The following PLCXD3 variants were observed in gnomAD, a reference collection of about 807,000 sequenced individuals.
PLCXD3 encodes phosphatidylinositol specific phospholipase C X domain containing 3.
In PLCXD3, 19 loss-of-function variants were observed where a neutral mutation model predicts 25.5. The ratio of observed to expected loss-of-function variants is 0.75; its 90% CI spans 0.52 to 1.09. The LOEUF is 1.09. Ranked by LOEUF, PLCXD3 falls within the 50% of genes least tolerant of loss-of-function variation. The pLI is 0.00. For synonymous variants in PLCXD3, 174 were observed against 137.6 expected, an observed-to-expected ratio of 1.26 and a Z score of -1.85; for missense variants, 411 against 388.1, an observed-to-expected ratio of 1.06 and a Z score of -0.50.
chr5:41,506,822 C>T (rs992311357), intron 1 of PLCXD3, among the ~76,000 whole-genome samples: 5 of 152,156 alleles, frequency 3.3e-5, no homozygotes, highest in African/African-American at 9.7e-5. Flanking sequence ...ATTTATAAAG[C>T]GTTTCTGTGT....
rs182487981 is a variant in PLCXD3 at position 41,510,560 on chromosome 5, C to A, written c.-34G>T. The A allele has an allele frequency of 1.2e-4, 185 of 1,572,642 alleles. No homozygotes were observed. In the African/African-American group the frequency reaches 2.3e-3, roughly 19 times the overall value. ...TCGGCGTGCAGCGCGCTGGTCCCAG[C>A]ACTCCTCGGGCAGGCTGGCAGGCTG... On this transcript the variant is annotated 5_prime_UTR_variant, in exon 1 of 3. Coordinates refer to ENST00000377801, the MANE Select transcript of PLCXD3 (RefSeq NM_001005473.3).
intron 1 of PLCXD3, among the ~76,000 whole-genome samples, chr5:41,445,762 T>C (rs1747479678): frequency 6.6e-6 from 1 of 152,172 alleles, no homozygotes; most frequent in Admixed American, 6.5e-5. Context: ...CCTGTGCTTT[T>C]GAGGTCTTAT....
In PLCXD3 at chr5:41,349,797, T is replaced by C. The variant is rs551101209; in HGVS notation, c.812+32029A>G. Among the ~76,000 whole-genome samples the C allele has an allele frequency of 3.3e-5, 5 of 152,348 alleles. No homozygotes were observed. The South Asian group carries it at 8.3e-4, about 25-fold the overall frequency. ...CATCACAGGTCTTTAAATTATCCTGTAGTTACAGAGCACTAGCCCCTTACT... is the reference window on the plus strand; with the variant it reads ...CATCACAGGTCTTTAAATTATCCTGCAGTTACAGAGCACTAGCCCCTTACT... On this transcript the variant is annotated intron_variant, in intron 2 of 2. Coordinates refer to ENST00000377801, the MANE Select transcript of PLCXD3 (RefSeq NM_001005473.3).
intron 1 of PLCXD3, among the ~76,000 whole-genome samples, chr5:41,480,069 C>A (rs1468099309): frequency 6.6e-6 from 1 of 152,026 alleles, no homozygotes; most frequent in Non-Finnish European, 1.5e-5. Context: ...TATAATGAAA[C>A]CAAACTGTTT....
At chr5:41,416,123 A>T (rs900226482) in intron 1 of PLCXD3, among the ~76,000 whole-genome samples, 1 of 152,196 alleles carries the variant, frequency 6.6e-6, no homozygotes, top group Non-Finnish European at 1.5e-5. Context: ...TCACTTTTCC[A>T]TATCCACTCT....
intron 2 of PLCXD3, among the ~76,000 whole-genome samples, chr5:41,358,246 TAGTC>T (rs1415371482): frequency 6.6e-6 from 1 of 152,228 alleles, no homozygotes; most frequent in African/African-American, 2.4e-5. Flanking sequence ...TGGCAAGTGG[TAGTC>T]AGGACAAGCC....
intron 1 of PLCXD3, among the ~76,000 whole-genome samples, chr5:41,401,987 A>AT (rs1746200191): frequency 6.6e-6 from 1 of 151,202 alleles, no homozygotes; most frequent in South Asian, 2.1e-4. Flanking sequence ...TCTTTCTTTC[A>AT]TTTTCTTGAT....
intron 1 of PLCXD3, among the ~76,000 whole-genome samples, chr5:41,427,175 C>T (rs1314712579): frequency 1.3e-5 from 2 of 152,148 alleles, no homozygotes; most frequent in East Asian, 3.9e-4. Flanking sequence ...GGAAAATTTT[C>T]AGACATGATT....
At chr5:41,448,847 T>C (rs1164882049) in intron 1 of PLCXD3, among the ~76,000 whole-genome samples, 2 of 152,228 alleles carry the variant, frequency 1.3e-5, no homozygotes, top group African/African-American at 4.8e-5. Context: ...AACTTCTTAG[T>C]ATGACATTTA....
intron 1 of PLCXD3, among the ~76,000 whole-genome samples, chr5:41,462,152 C>T (rs562699017): frequency 4.7e-4 from 71 of 152,076 alleles, no homozygotes; most frequent in African/African-American, 1.6e-3. Flanking sequence ...AAAACTATGC[C>T]ACATCATATA....
At chr5:41,422,022 A>T (rs2150506279) in intron 1 of PLCXD3, among the ~76,000 whole-genome samples, 1 of 152,310 alleles carries the variant, frequency 6.6e-6, no homozygotes, top group South Asian at 2.1e-4. Context: ...GCATAGGAAG[A>T]TATCAACCTA....
intron 1 of PLCXD3, among the ~76,000 whole-genome samples, chr5:41,384,618 G>C (rs1194297513): frequency 6.6e-6 from 1 of 152,032 alleles, no homozygotes; most frequent in Admixed American, 6.6e-5. Flanking sequence ...CTAGAAATGA[G>C]TGGTTCTCTG....
At chr5:41,348,575 C>T (rs1370272565) in intron 2 of PLCXD3, among the ~76,000 whole-genome samples, 1 of 152,104 alleles carries the variant, frequency 6.6e-6, no homozygotes, top group Non-Finnish European at 1.5e-5. Flanking sequence ...GATGTTTTTC[C>T]TACAGAAATC....
intron 2 of PLCXD3, among the ~76,000 whole-genome samples, chr5:41,364,063 C>T (rs897306060): frequency 2.6e-5 from 4 of 152,090 alleles, no homozygotes; most frequent in African/African-American, 9.7e-5. Context: ...CCAGGGTCAA[C>T]TCTGTATCCT....
chr5:41,385,883 G>A (rs1185753773), intron 1 of PLCXD3, among the ~76,000 whole-genome samples: 1 of 152,074 alleles, frequency 6.6e-6, no homozygotes, highest in Non-Finnish European at 1.5e-5. Flanking sequence ...ACTGAATCCT[G>A]TTAACAGCCA....
chr5:41,313,754 T>A lies in PLCXD3; in HGVS notation c.829A>T (p.Met277Leu). ...TITERALPAM[M>L]QWVRTQKPGE... Reference sequence around the variant, plus strand: ...GGCTTCTGCGTGCGGACCCACTGCATCATGGCAGGAAGAGCTCTGAGAAAG... The same window carrying A: ...GGCTTCTGCGTGCGGACCCACTGCAACATGGCAGGAAGAGCTCTGAGAAAG... Residue 277 changes from methionine (M) to leucine (L), a missense_variant, in exon 3 of 3, where the codon ATG becomes TTG. By Grantham distance (15) the Met-to-Leu change is conservative. Coordinates refer to ENST00000377801, the MANE Select transcript of PLCXD3 (RefSeq NM_001005473.3). The A allele has an allele frequency of 1.2e-6, 2 of 1,602,278 alleles. No homozygotes were observed. Among genetic ancestry groups the A allele is most frequent in the Non-Finnish European group, 1.7e-6 (2 of 1,174,676 alleles).
intron 1 of PLCXD3, among the ~76,000 whole-genome samples, chr5:41,385,209 TC>T (rs1315589878): frequency 2.0e-5 from 3 of 152,100 alleles, no homozygotes; most frequent in African/African-American, 7.2e-5. Context: ...CCAGGAGTCC[TC>T]TTTGATCTTG....
intron 2 of PLCXD3, among the ~76,000 whole-genome samples, chr5:41,331,342 A>G (rs1342453733): frequency 6.6e-6 from 1 of 152,182 alleles, no homozygotes; most frequent in African/African-American, 2.4e-5. Flanking sequence ...CCCATTCACA[A>G]TTGCTTCAAA....
intron 2 of PLCXD3, among the ~76,000 whole-genome samples, chr5:41,380,256 T>C (rs568844969): frequency 1.3e-5 from 2 of 152,248 alleles, no homozygotes; most frequent in South Asian, 4.1e-4. Flanking sequence ...GTCCTGCTTA[T>C]CCTGAACTCT....
Sources: allele counts gnomAD v4.1 joint callset (sites outside exome capture counted in the v4.1 genomes callset), GRCh38; gene constraint gnomAD v4.1.1; transcripts MANE v1.5; gene names NCBI Gene and HGNC (gene_info 2026-07-23, HGNC 2026-07-21).